Variants in TRIM66 observed in about 807,000 individuals in gnomAD.
TRIM66 encodes the protein tripartite motif-containing protein 66.
TRIM66 carries 99 observed loss-of-function variants against 148.2 expected under a neutral mutation model. The ratio of observed to expected loss-of-function variants is 0.67; its 90% CI spans 0.57 to 0.79. The LOEUF (loss-of-function observed/expected upper bound fraction) is 0.79. Ranked by LOEUF, TRIM66 falls within the 30% of genes least tolerant of loss-of-function variation. The pLI, the probability that TRIM66 is intolerant of heterozygous loss-of-function variation, is 0.00. For synonymous variants in TRIM66, 616 were observed against 635.9 expected (o/e 0.97, Z 0.47); for missense variants, 1,666 against 1,697.9 (o/e 0.98, Z 0.33).
At chr11:8,644,623 C>T (rs1426739828) in intron 12 of TRIM66, among the ~76,000 whole-genome samples, 1 of 152,136 alleles carries the variant, frequency 6.6e-6, no homozygotes, top group African/African-American at 2.4e-5. Context: ...CTTACCCCAC[C>T]ACACACCCCT....
At position 8,650,023 on chromosome 11, in the gene TRIM66, C is replaced by G. The variant is rs2037218734; in HGVS notation, c.445-136G>C. 3 of 1,036,748 alleles carry G rather than the reference C, an allele frequency of 2.9e-6. No individual in the cohort carries two copies. The South Asian group carries it at 5.1e-5, about 18-fold the overall frequency. 64.2% of individuals were successfully genotyped at this position (1,036,748 alleles called of 1,614,324 possible). On this transcript the variant is annotated intron_variant, in intron 7 of 24. Coordinates refer to ENST00000646038, the MANE Select transcript of TRIM66 (RefSeq NM_001388022.1). ...TTGGAGTGTAACCTATTCTGCAGAG[C>G]TGTCTGGGAGTAACATGCCGGGGCT...
chr11:8,680,293 C>T (rs1044092061), intron 1 of TRIM66, among the ~76,000 whole-genome samples: 1 of 152,142 alleles, frequency 6.6e-6, no homozygotes, highest in Non-Finnish European at 1.5e-5. Context: ...AGCTACCGAA[C>T]TTTTTGATCA....
chr11:8,654,733 T>G (rs1259040803), intron 6 of TRIM66, among the ~76,000 whole-genome samples: 1 of 152,260 alleles, frequency 6.6e-6, no homozygotes, highest in East Asian at 1.9e-4. Context: ...ACCAGTTTTC[T>G]TCATCAATGT....
At chr11:8,651,926 A>G (rs2037392431) in intron 6 of TRIM66, 23 bp from the exon 7 acceptor site, 1 of 1,537,592 alleles carries the variant, frequency 6.5e-7, no homozygotes, top group Non-Finnish European at 8.8e-7. Flanking sequence ...GAAAGATAGC[A>G]GAGTCAGGGC....
At chr11:8,681,972 G>A (rs1278691895) in intron 1 of TRIM66, among the ~76,000 whole-genome samples, 1 of 152,128 alleles carries the variant, frequency 6.6e-6, no homozygotes, top group Non-Finnish European at 1.5e-5. Flanking sequence ...ATGTTGCCCA[G>A]GCTGGTGTTG....
chr11:8,659,855 T>C (rs1291976438), intron 6 of TRIM66, among the ~76,000 whole-genome samples: 1 of 152,118 alleles, frequency 6.6e-6, no homozygotes, highest in Non-Finnish European at 1.5e-5. Context: ...CTGGGCCAAC[T>C]GAATTTGTTT....
chr11:8,681,973 G>A (rs1347684674), intron 1 of TRIM66, among the ~76,000 whole-genome samples: 2 of 152,086 alleles, frequency 1.3e-5, no homozygotes, highest in East Asian at 3.9e-4. Context: ...TGTTGCCCAG[G>A]CTGGTGTTGA....
At position 8,640,721 on chromosome 11, in the gene TRIM66, T is replaced by C. The variant is rs1300872152; in HGVS notation, c.1654A>G (p.Thr552Ala). 9 of 1,551,314 alleles carry C rather than the reference T, an allele frequency of 5.8e-6. No individual in the cohort carries two copies. The African/African-American group carries it at 8.2e-5, about 14-fold the overall frequency. The part of the protein sequence containing the change: ...STSQRLGQQL[T>A]SQPVCIVPPQ... ...GGGACAATGCACACGGGCTGGGAAG[T>C]CAGCTGCTGCCCCAGCCGCTGGGAT... Residue 552 changes from threonine to alanine, a missense_variant, in exon 14 of 25, where the codon ACT (threonine) becomes GCT (alanine). Coordinates refer to ENST00000646038, the MANE Select transcript of TRIM66 (RefSeq NM_001388022.1).
chr11:8,622,990 C>G, intron 17 of TRIM66, 114 bp from the exon 18 acceptor site: 1 of 824,996 alleles, frequency 1.2e-6, no homozygotes, highest in Non-Finnish European at 2.0e-6. Flanking sequence ...ATCTGTCATA[C>G]AGTAGTTACC....
At chr11:8,649,383 G>C (rs982433797) in intron 8 of TRIM66, among the ~76,000 whole-genome samples, 1 of 152,056 alleles carries the variant, frequency 6.6e-6, no homozygotes, top group African/African-American at 2.4e-5. Context: ...GATGGTGCTG[G>C]GTAGACAAAC....
chr11:8,682,553 G>C, intron 1 of TRIM66, 48 bp downstream of exon 1: 1 of 575,986 alleles, frequency 1.7e-6, no homozygotes, highest in Non-Finnish European at 3.1e-6. Flanking sequence ...ACCTAGCCCC[G>C]ATTCTTCAAC....
At chr11:8,624,587 C>A in intron 16 of TRIM66, 36 bp from the exon 17 acceptor site, 1 of 1,508,604 alleles carries the variant, frequency 6.6e-7, no homozygotes, top group Non-Finnish European at 8.9e-7. Flanking sequence ...AATCAAAGAA[C>A]TCAGACATGG....
chr11:8,675,336 A>T (rs1343633924), intron 3 of TRIM66, among the ~76,000 whole-genome samples: 1 of 152,238 alleles, frequency 6.6e-6, no homozygotes, highest in Non-Finnish European at 1.5e-5. Flanking sequence ...TTCACTTTTG[A>T]GAAAATATCG....
At chr11:8,634,416 G>T (rs2079634137) in intron 15 of TRIM66, among the ~76,000 whole-genome samples, 1 of 152,196 alleles carries the variant, frequency 6.6e-6, no homozygotes, top group African/African-American at 2.4e-5. Flanking sequence ...CAATCTGCCT[G>T]TCTTAGCCTC....
chr11:8,663,398 C>T (rs544505931), intron 6 of TRIM66: 1 of 152,286 alleles, frequency 6.6e-6, no homozygotes, highest in East Asian at 1.9e-4. Context: ...CCTATGCATA[C>T]ATACCTATGA....
chr11:8,637,646 G>A (rs1229975226), intron 15 of TRIM66, among the ~76,000 whole-genome samples: 1 of 152,188 alleles, frequency 6.6e-6, no homozygotes, highest in Non-Finnish European at 1.5e-5. Flanking sequence ...AGGGAAACTT[G>A]GTGAGGGGCA....
intron 3 of TRIM66, among the ~76,000 whole-genome samples, chr11:8,677,972 T>C (rs2039255724): frequency 6.6e-6 from 1 of 152,150 alleles, no homozygotes. Context: ...TTCCCCTAAA[T>C]GCCATATATC....
In TRIM66 at chr11:8,672,378, A is replaced by G. The variant is rs890232430; in HGVS notation, c.-104T>C. The G allele has an allele frequency of 1.6e-5, 24 of 1,502,816 alleles. No homozygotes were observed. The South Asian group carries it at 2.8e-4, about 17-fold the overall frequency. The allele number at this position is 1,502,816 out of a possible 1,614,324, so 93.1% of individuals were successfully genotyped here. A position where few individuals can be genotyped will look rare whatever the true frequency, so the allele number is the denominator to read the frequency against. On this transcript the variant is annotated 5_prime_UTR_variant, in exon 5 of 25. Coordinates refer to ENST00000646038, the MANE Select transcript of TRIM66 (RefSeq NM_001388022.1). Reference sequence around the variant, plus strand: ...CTGTGCCTCTCCTTATTGGTAGACAAGCTTGACCTAAGTTTCAATTTTGGA... The same window carrying G: ...CTGTGCCTCTCCTTATTGGTAGACAGGCTTGACCTAAGTTTCAATTTTGGA...
At chr11:8,667,279 A>G (rs1026167473) in intron 6 of TRIM66, among the ~76,000 whole-genome samples, 1 of 152,210 alleles carries the variant, frequency 6.6e-6, no homozygotes, top group Non-Finnish European at 1.5e-5. Context: ...AATATTTATG[A>G]CATTGGATTT....
Sources: allele counts gnomAD v4.1 joint callset (sites outside exome capture counted in the v4.1 genomes callset), GRCh38; gene constraint gnomAD v4.1.1; transcripts MANE v1.5; gene names NCBI Gene and HGNC (gene_info 2026-07-23, HGNC 2026-07-21).